Variants in SLC9B1 observed in about 807,000 individuals in gnomAD.
SLC9B1 encodes sodium/hydrogen exchanger 9B1.
SLC9B1 carries 32 observed loss-of-function variants against 51.7 expected under a neutral mutation model. The ratio of observed to expected loss-of-function variants is 0.62; its 90% CI spans 0.47 to 0.83. The LOEUF is 0.83. Ranked by LOEUF, SLC9B1 falls within the 40% of genes least tolerant of loss-of-function variation. The pLI is 0.00. For synonymous variants in SLC9B1, 145 were observed against 212.7 expected (o/e 0.68, Z 2.77); for missense variants, 406 against 613.2 (o/e 0.66, Z 3.57).
intron 6 of SLC9B1, among the ~76,000 whole-genome samples, chr4:102,935,897 A>T (rs1578361018): frequency 6.6e-6 from 1 of 152,070 alleles, no homozygotes; most frequent in South Asian, 2.1e-4. Flanking sequence ...ACCCCATCCC[A>T]CACCTGCCGG....
At chr4:102,912,127 C>T (rs1735368832) in intron 7 of SLC9B1, 2 of 121,380 alleles carry the variant, frequency 1.6e-5, no homozygotes, top group South Asian at 1.8e-4. Context: ...ACGGAGGCCA[C>T]ACCTCCAAAA....
At chr4:102,951,317 A>G (rs1737541626) in intron 3 of SLC9B1, among the ~76,000 whole-genome samples, 2 of 152,212 alleles carry the variant, frequency 1.3e-5, no homozygotes, top group South Asian at 2.1e-4. Flanking sequence ...CCCAGACTGC[A>G]TAAAGTCTCA....
chr4:103,017,297 C>T (rs746572467), intron 1 of SLC9B1, among the ~76,000 whole-genome samples: 5 of 152,184 alleles, frequency 3.3e-5, no homozygotes, highest in Admixed American at 6.5e-5. Flanking sequence ...GCTCCCCACC[C>T]AGTATGATTC....
At position 102,885,294 on chromosome 4, in the gene SLC9B1, C is replaced by A. The variant is rs142253163; in HGVS notation, c.1367G>T (p.Arg456Leu). Reference sequence around the variant, plus strand: ...TACCTTGCAGTTCGTCCATTCCTCCCGAAGAAGAAACAACAGAAGGATAGC... The same window carrying A: ...TACCTTGCAGTTCGTCCATTCCTCCAGAAGAAGAAACAACAGAAGGATAGC... Residue 456 changes from arginine to leucine, a missense_variant, in exon 12 of 12, where the codon CGG (arginine) becomes CTG (leucine). Physicochemically the swap from Arg to Leu is moderately radical, Grantham distance 102. Transcript: ENST00000394789. 1.9e-6 allele frequency: 3 copies of A among 1,613,914 alleles called. No individual in the cohort carries two copies. The highest frequency in any genetic ancestry group is 2.5e-6 in the Non-Finnish European group (3 of 1,179,948).
intron 1 of SLC9B1, among the ~76,000 whole-genome samples, chr4:103,013,448 A>T (rs1741177204): frequency 6.6e-6 from 1 of 152,086 alleles, no homozygotes; most frequent in Non-Finnish European, 1.5e-5. Flanking sequence ...TCCTTTAAAT[A>T]TTGGGCTTCC....
At chr4:102,991,551 A>G (rs1739938954) in intron 2 of SLC9B1, 92 bp downstream of exon 2, 7 of 855,656 alleles carry the variant, frequency 8.2e-6, no homozygotes, top group Non-Finnish European at 1.2e-5. Context: ...CCAGATATAT[A>G]AAAGAAACCT....
At chr4:102,949,884 C>A (rs1737459454) in intron 3 of SLC9B1, among the ~76,000 whole-genome samples, 1 of 151,922 alleles carries the variant, frequency 6.6e-6, no homozygotes, top group African/African-American at 2.4e-5. Context: ...TTGCTTGAAC[C>A]CGGGAGGTGG....
chr4:102,898,787 G>A (rs984410930), downstream of SLC9B1, among the ~76,000 whole-genome samples: 18 of 152,324 alleles, frequency 1.2e-4, no homozygotes, highest in African/African-American at 4.3e-4. Context: ...GAGTGCAGTG[G>A]CGTGATCTTG....
At chr4:102,991,110 G>A (rs1229521240) in intron 2 of SLC9B1, among the ~76,000 whole-genome samples, 1 of 151,792 alleles carries the variant, frequency 6.6e-6, no homozygotes, top group South Asian at 2.1e-4. Flanking sequence ...AGAATCAATG[G>A]TGAATATTTA....
intron 7 of SLC9B1, among the ~76,000 whole-genome samples, chr4:102,923,087 C>G (rs1735966913): frequency 6.6e-6 from 1 of 152,138 alleles, no homozygotes; most frequent in Non-Finnish European, 1.5e-5. Context: ...ATACCAAAGC[C>G]TGGCAGGGAC....
intron 7 of SLC9B1, among the ~76,000 whole-genome samples, chr4:102,924,956 G>A (rs563869298): frequency 4.9e-4 from 74 of 152,320 alleles, no homozygotes; most frequent in Non-Finnish European, 3.2e-4. Context: ...CACTGTTGGT[G>A]GGAGTGTAAA....
intron 1 of SLC9B1, among the ~76,000 whole-genome samples, chr4:103,006,247 A>G (rs1740779217): frequency 1.3e-5 from 2 of 152,028 alleles, no homozygotes; most frequent in Admixed American, 1.3e-4. Flanking sequence ...AAGAATAAAT[A>G]AGACCACAGC....
chr4:102,955,906 A>G (rs899714578), intron 3 of SLC9B1, among the ~76,000 whole-genome samples: 29 of 151,114 alleles, frequency 1.9e-4, no homozygotes, highest in Non-Finnish European at 4.0e-4. Flanking sequence ...AGAAAGAGAG[A>G]GAAAGACCCA....
At chr4:102,903,865 A>G (rs1015180958) in intron 11 of SLC9B1, among the ~76,000 whole-genome samples, 1 of 152,218 alleles carries the variant, frequency 6.6e-6, no homozygotes, top group Non-Finnish European at 1.5e-5. Flanking sequence ...ATAATGAAAA[A>G]CAACTGCAAC....
intron 6 of SLC9B1, 36 bp downstream of exon 6, chr4:102,945,157 G>T (rs1161511728): frequency 8.5e-6 from 13 of 1,524,330 alleles, no homozygotes; most frequent in Non-Finnish European, 1.2e-5. Context: ...ATCCTTAATT[G>T]AATATTTTCA....
Position 103,018,653 on chromosome 4 carries a change from G to A in SLC9B1, c.-2+946C>T, listed in dbSNP as rs1158339698. ...AAATCTGTTATTTCACAGGCTCTAG[G>A]ACACCCATAGAGGGGGAGTGAGGGA... is the stretch of plus-strand genomic sequence containing the variant. On this transcript the variant is annotated intron_variant, in intron 1 of 11. Transcript: ENST00000296422. Among the ~76,000 whole-genome samples the A allele has an allele frequency of 3.8e-5, 4 of 104,758 alleles. No individual in the cohort carries two copies. In the East Asian group the frequency reaches 1.0e-3, roughly 27 times the overall value. 68.7% of individuals were successfully genotyped at this position (104,758 alleles called of 152,430 possible).
At chr4:102,975,212 T>C (rs994770360) in intron 3 of SLC9B1, among the ~76,000 whole-genome samples, 5 of 152,162 alleles carry the variant, frequency 3.3e-5, no homozygotes, top group Admixed American at 2.6e-4. Flanking sequence ...TCTCACTATG[T>C]TGCCCAGGCT....
rs561634656 is a variant in SLC9B1, at chr4:103,008,843, AGGCGGGAGTGCAGT to A, written c.-2+10742_-2+10755del. Reference sequence around the variant, plus strand: ...GAGACGGAGTCTCGCTCTGTAGCCCAGGCGGGAGTGCAGTGGCGCAATCTCGACTCACGGCAACC... The same window carrying A: ...GAGACGGAGTCTCGCTCTGTAGCCCAGGCGCAATCTCGACTCACGGCAACC... On this transcript the variant is annotated intron_variant, in intron 1 of 11. Transcript: ENST00000296422. 7.4e-5 allele frequency among the ~76,000 whole-genome samples: 9 copies of A among 121,402 alleles called. No individual in the cohort carries two copies. In the South Asian group the frequency reaches 1.6e-3, roughly 21 times the overall value. 79.6% of individuals were successfully genotyped at this position (121,402 alleles called of 152,430 possible).
chr4:103,001,827 C>T (rs990115421), intron 1 of SLC9B1, among the ~76,000 whole-genome samples: 21 of 152,286 alleles, frequency 1.4e-4, no homozygotes, highest in African/African-American at 4.3e-4. Flanking sequence ...CTGTATTAGT[C>T]CCATTTTCAC....
Sources: gnomAD v4.1 joint callset for allele counts (sites outside exome capture counted in the v4.1 genomes callset) on GRCh38, gnomAD v4.1.1 for gene constraint, MANE v1.5 for transcripts, NCBI Gene and HGNC (gene_info 2026-07-23, HGNC 2026-07-21) for gene names.